SHROOM3: variants seen among roughly 807,000 people sequenced by gnomAD.
The protein encoded by SHROOM3 is protein Shroom3.
A neutral mutation model predicts 138.6 loss-of-function variants in SHROOM3; 47 were observed. That is an observed-to-expected ratio of 0.34 (90% CI 0.27 to 0.43). The LOEUF is 0.43. SHROOM3 is among the 20% of genes least tolerant of loss of function. The pLI is 1.00. For synonymous variants in SHROOM3, 1,062 were observed against 1,063.3 expected (o/e 1.00, Z 0.02); for missense variants, 2,491 against 2,596.5 (o/e 0.96, Z 0.88).
At chr4:76,467,311 T>C (rs1286245491) in intron 1 of SHROOM3, among the ~76,000 whole-genome samples, 1 of 152,098 alleles carries the variant, frequency 6.6e-6, no homozygotes, top group Non-Finnish European at 1.5e-5. Flanking sequence ...CTTCCTAAAG[T>C]GCTGAGATTA....
chr4:76,502,506 G>A (rs1732119285), intron 1 of SHROOM3, among the ~76,000 whole-genome samples: 1 of 152,176 alleles, frequency 6.6e-6, no homozygotes. Context: ...GGCAGATAGT[G>A]ACAGAATTCA....
chr4:76,463,159 T>C (rs567061018), intron 1 of SHROOM3, among the ~76,000 whole-genome samples: 31 of 152,292 alleles, frequency 2.0e-4, no homozygotes, highest in African/African-American at 7.5e-4. Flanking sequence ...ATATGGACAA[T>C]GAAGTCCAGG....
At chr4:76,608,663 T>TAGCATAGCACAGCAC (rs1560563360) in intron 2 of SHROOM3, among the ~76,000 whole-genome samples, 2 of 31,386 alleles carry the variant, frequency 6.4e-5, no homozygotes, top group African/African-American at 1.1e-4. Context: ...TAGCATAGCA[T>TAGCATAGCACAGCAC]AGCACAGCAT....
intron 2 of SHROOM3, among the ~76,000 whole-genome samples, chr4:76,627,000 T>C (rs1735163995): frequency 1.3e-5 from 2 of 152,164 alleles, no homozygotes; most frequent in African/African-American, 2.4e-5. Flanking sequence ...ATCCAAACTG[T>C]TGGGAGTCTT....
chr4:76,586,143 T>C (rs1267279169), intron 2 of SHROOM3: 10 of 615,164 alleles, frequency 1.6e-5, no homozygotes, highest in Non-Finnish European at 2.0e-5. Flanking sequence ...TCCCCTTACA[T>C]CAGCGGGCCA....
Position 76,765,441 on chromosome 4 carries a change from C to T in SHROOM3, c.5350-5185C>T, listed in dbSNP as rs901996131. On this transcript the variant is annotated intron_variant, in intron 9 of 10. Transcript: ENST00000296043. ...GCTGAGGTGGGAGGATCACCTGAGCCGGGGGGTTGAGGCTGTAGTGAGCTG... is the reference window on the plus strand; with the variant it reads ...GCTGAGGTGGGAGGATCACCTGAGCTGGGGGGTTGAGGCTGTAGTGAGCTG... 7.9e-5 allele frequency among the ~76,000 whole-genome samples: 12 copies of T among 152,080 alleles called. No homozygotes were observed. In the South Asian group the frequency reaches 8.3e-4, roughly 11 times the overall value.
chr4:76,487,010 A>G (rs1341344558), intron 1 of SHROOM3, among the ~76,000 whole-genome samples: 1 of 152,190 alleles, frequency 6.6e-6, no homozygotes, highest in Non-Finnish European at 1.5e-5. Flanking sequence ...TAGTGCAACT[A>G]TCACCACGAT....
intron 2 of SHROOM3, among the ~76,000 whole-genome samples, chr4:76,704,701 G>C (rs1401022528): frequency 6.6e-6 from 1 of 152,206 alleles, no homozygotes; most frequent in Non-Finnish European, 1.5e-5. Flanking sequence ...TATCCAAAAT[G>C]CATAGGGAAG....
chr4:76,462,982 G>A (rs1731173099), intron 1 of SHROOM3, among the ~76,000 whole-genome samples: 3 of 152,178 alleles, frequency 2.0e-5, no homozygotes, highest in South Asian at 4.1e-4. Context: ...GAGAAGGGGG[G>A]CATTGCTATA....
At chr4:76,648,199 G>A (rs936348274) in intron 2 of SHROOM3, among the ~76,000 whole-genome samples, 4 of 151,808 alleles carry the variant, frequency 2.6e-5, no homozygotes, top group African/African-American at 7.3e-5. Flanking sequence ...ATGGTGGTGC[G>A]TACCTGTGGT....
At chr4:76,654,207 C>T (rs1187075442) in intron 2 of SHROOM3, among the ~76,000 whole-genome samples, 2 of 151,966 alleles carry the variant, frequency 1.3e-5, no homozygotes, top group Non-Finnish European at 2.9e-5. Flanking sequence ...CAGTTAACGT[C>T]GAAGTGTAAG....
chr4:76,678,685 A>C (rs975619388), intron 2 of SHROOM3, among the ~76,000 whole-genome samples: 18 of 152,174 alleles, frequency 1.2e-4, no homozygotes, highest in Non-Finnish European at 2.1e-4. Flanking sequence ...TTTGAGACGA[A>C]GTCTTGCTTT....
intron 2 of SHROOM3, among the ~76,000 whole-genome samples, chr4:76,597,936 G>C (rs1457857337): frequency 6.6e-6 from 1 of 152,008 alleles, no homozygotes; most frequent in African/African-American, 2.4e-5. Context: ...ACTGTGCTAG[G>C]CTTTGTGAGC....
chr4:76,709,745 G>A (rs940632286), intron 2 of SHROOM3: 31 of 274,070 alleles, frequency 1.1e-4, no homozygotes, highest in African/African-American at 5.7e-4. Flanking sequence ...CTTGAGAAGT[G>A]AGGTGGCAGA....
chr4:76,495,687 G>A (rs1731951064), intron 1 of SHROOM3, among the ~76,000 whole-genome samples: 1 of 152,214 alleles, frequency 6.6e-6, no homozygotes, highest in African/African-American at 2.4e-5. Flanking sequence ...TCCTGATGTG[G>A]GGAGAGGGAA....
At chr4:76,500,545 G>A (rs555605020) in intron 1 of SHROOM3, among the ~76,000 whole-genome samples, 1 of 152,278 alleles carries the variant, frequency 6.6e-6, no homozygotes, top group Non-Finnish European at 1.5e-5. Context: ...GTTTCCCAAA[G>A]TGGTTATACC....
rs1341797635 is a variant in SHROOM3 at position 76,625,322 on chromosome 4, T to G, written c.323+69559T>G. ...TTTACCTAACCCCAAATAGCTAGCT[T>G]CTTAGTTTTATACAGCTATGCCAAA... On this transcript the variant is annotated intron_variant, in intron 2 of 10. Transcript: ENST00000296043. Among the ~76,000 whole-genome samples the G allele has an allele frequency of 2.0e-5, 3 of 152,166 alleles. No individual in the cohort carries two copies. In the East Asian group the frequency reaches 5.8e-4, roughly 29 times the overall value.
At chr4:76,633,044 G>A (rs368907692) in intron 2 of SHROOM3, among the ~76,000 whole-genome samples, 3 of 152,096 alleles carry the variant, frequency 2.0e-5, no homozygotes, top group African/African-American at 7.2e-5. Flanking sequence ...AAGGTCACAC[G>A]ACTATTCTAA....
intron 2 of SHROOM3, among the ~76,000 whole-genome samples, chr4:76,707,972 G>C (rs1720107314): frequency 6.6e-6 from 1 of 152,030 alleles, no homozygotes; most frequent in Non-Finnish European, 1.5e-5. Flanking sequence ...CTGGTATCCA[G>C]AGCCAACCCA....
Sources: gnomAD v4.1 joint callset for allele counts (sites outside exome capture counted in the v4.1 genomes callset) on GRCh38, gnomAD v4.1.1 for gene constraint, MANE v1.5 for transcripts, NCBI Gene and HGNC (gene_info 2026-07-23, HGNC 2026-07-21) for gene names.